ATG5: variants seen among roughly 807,000 people sequenced by gnomAD.
ATG5 encodes the protein autophagy related 5.
Under a neutral mutation model 36.5 loss-of-function variants are expected in ATG5, and 14 were observed. That is an observed-to-expected ratio of 0.38 (90% CI 0.25 to 0.60). ATG5 has a LOEUF of 0.60. ATG5 is among the 20% of genes least tolerant of loss of function. ATG5 has a pLI of 0.60. For missense variants in ATG5, 195 were observed against 326.7 expected (o/e 0.60, Z 3.11); for synonymous variants, 95 against 101.5 (o/e 0.94, Z 0.38).
chr6:106,313,294 T>C (rs968218773), intron 2 of ATG5, among the ~76,000 whole-genome samples: 1 of 152,156 alleles, frequency 6.6e-6, no homozygotes, highest in African/African-American at 2.4e-5. Context: ...CTTTTCTTCA[T>C]GAAAGAGGAA....
chr6:106,303,698 A>G (rs1019515942), intron 3 of ATG5, among the ~76,000 whole-genome samples: 8 of 152,178 alleles, frequency 5.3e-5, no homozygotes, highest in Non-Finnish European at 1.0e-4. Context: ...TATAAAACTT[A>G]TTACATTCCG....
chr6:106,306,010 A>G (rs1770431141), intron 3 of ATG5, among the ~76,000 whole-genome samples: 1 of 152,352 alleles, frequency 6.6e-6, no homozygotes, highest in South Asian at 2.1e-4. Flanking sequence ...ATATAGCTAC[A>G]ATGAGCTTAC....
In ATG5 at chr6:106,251,646, A is replaced by G. The variant is rs78434682; in HGVS notation, c.479-3402T>C. 7.5e-4 allele frequency among the ~76,000 whole-genome samples: 34 copies of G among 45,098 alleles called. 1 individual carries two copies. The highest frequency in any genetic ancestry group is 2.9e-3 in the South Asian group (2 of 682). The allele number at this position is 45,098 out of a possible 152,430, so 29.6% of individuals were successfully genotyped here. ...AAACACCCTAATCAGAGAGAGAGAG[A>G]GGGAGGGAGGGAGGAAGGGAGGGGG... On this transcript the variant is annotated intron_variant, in intron 5 of 7. Coordinates refer to ENST00000369076, the MANE Select transcript of ATG5 (RefSeq NM_004849.4).
chr6:106,250,214 T>C (rs1778517440), intron 5 of ATG5, among the ~76,000 whole-genome samples: 1 of 152,226 alleles, frequency 6.6e-6, no homozygotes, highest in Non-Finnish European at 1.5e-5. Context: ...TCCAATCTAC[T>C]GGCAATCTAT....
chr6:106,212,570 C>T (rs1776894979), intron 6 of ATG5, among the ~76,000 whole-genome samples: 1 of 152,146 alleles, frequency 6.6e-6, no homozygotes, highest in African/African-American at 2.4e-5. Flanking sequence ...TCCTGTGAGG[C>T]GGAGGTTGCA....
chr6:106,259,873 T>C lies in ATG5; in HGVS notation c.479-11629A>G, dbSNP rs188784817. On this transcript the variant is annotated intron_variant, in intron 5 of 7. Coordinates refer to ENST00000369076, the MANE Select transcript of ATG5 (RefSeq NM_004849.4). ...GAGTTGGAACCCAAATGTCTATCAA[T>C]GATAGACTGGATTAAGACAATGTGG... is the stretch of plus-strand genomic sequence containing the variant. Among the ~76,000 whole-genome samples the C allele has an allele frequency of 2.8e-3, 433 of 152,274 alleles. 2 individuals are homozygous for C. The highest frequency in any genetic ancestry group is 9.9e-3 in the African/African-American group (412 of 41,540).
At chr6:106,218,644 T>C (rs752981881) in intron 6 of ATG5, among the ~76,000 whole-genome samples, 40 of 151,968 alleles carry the variant, frequency 2.6e-4, no homozygotes, top group Non-Finnish European at 3.7e-4. Context: ...CCCTGTTTTA[T>C]ATGAAGCATC....
At chr6:106,265,864 T>C (rs867841472) in intron 5 of ATG5, among the ~76,000 whole-genome samples, 9 of 152,138 alleles carry the variant, frequency 5.9e-5, no homozygotes, top group Non-Finnish European at 1.0e-4. Flanking sequence ...GAGGGAAATT[T>C]ATAGCACTAA....
At chr6:106,198,404 T>C (rs941661792) in intron 7 of ATG5, among the ~76,000 whole-genome samples, 2 of 152,176 alleles carry the variant, frequency 1.3e-5, no homozygotes, top group African/African-American at 2.4e-5. Context: ...GTTTTAGTTA[T>C]TTAACTGAAC....
In ATG5 at chr6:106,185,351, T is replaced by G. The variant is rs958863649; in HGVS notation, c.*1189A>C. Reference sequence around the variant, plus strand: ...TACTCAAATGGGTCAACATTCAATATGGACAGCCAGCTAGCTCACAAGAAA... The same window carrying G: ...TACTCAAATGGGTCAACATTCAATAGGGACAGCCAGCTAGCTCACAAGAAA... On this transcript the variant is annotated 3_prime_UTR_variant, in exon 8 of 8. Transcript: ENST00000369076. The G allele has an allele frequency of 6.5e-6, 1 of 152,756 alleles. No homozygotes were observed. Among genetic ancestry groups the G allele is most frequent in the African/African-American group, 2.4e-5 (1 of 41,446 alleles). 9.5% of individuals were successfully genotyped at this position (152,756 alleles called of 1,614,324 possible). A position where few individuals can be genotyped will look rare whatever the true frequency, so the allele number is the denominator to read the frequency against.
intron 1 of ATG5, among the ~76,000 whole-genome samples, chr6:106,322,547 C>T (rs1771124967): frequency 6.6e-6 from 1 of 152,198 alleles, no homozygotes; most frequent in African/African-American, 2.4e-5. Context: ...TCTTCCTCCT[C>T]CTCCTCCTCT....
chr6:106,262,608 G>C (rs993018670), intron 5 of ATG5, among the ~76,000 whole-genome samples: 1 of 152,192 alleles, frequency 6.6e-6, no homozygotes, highest in Non-Finnish European at 1.5e-5. Context: ...CTCCCAGCGA[G>C]ACAAACACAG....
In ATG5 at chr6:106,248,156, T is replaced by C. The variant is rs1234110848; in HGVS notation, c.567A>G (p.Ile189Met). 6.3e-7 allele frequency: 1 copy of C among 1,594,554 alleles called. No homozygotes were observed. Among genetic ancestry groups the C allele is most frequent in the East Asian group, 2.2e-5 (1 of 44,672 alleles). ...TTAAAATGTTATTTCCTACCTGATA[T>C]ATTCTAAAGGGGATATAACGAAATC... ...ENGFRYIPFRIYQTTTERPFI... is the reference protein window; with the variant it reads ...ENGFRYIPFRMYQTTTERPFI... The change falls in exon 6 of 8, where the codon ATA (isoleucine) becomes ATG (methionine). Residue 189 changes from isoleucine to methionine, a missense_variant. Transcript: ENST00000369076.
intron 6 of ATG5, among the ~76,000 whole-genome samples, chr6:106,227,393 G>C (rs1188718890): frequency 6.6e-6 from 1 of 152,128 alleles, no homozygotes; most frequent in Non-Finnish European, 1.5e-5. Flanking sequence ...GCAAGGAGTT[G>C]AAGACCAGCC....
chr6:106,314,319 G>T (rs1301291656), intron 2 of ATG5, among the ~76,000 whole-genome samples: 2 of 152,184 alleles, frequency 1.3e-5, no homozygotes, highest in Admixed American at 6.5e-5. Context: ...CATTTTGGAA[G>T]GCCGAGGCGG....
Position 106,312,623 on chromosome 6 carries a change from T to TACACACACACAC in ATG5, c.108+3466_108+3477dup, listed in dbSNP as rs144983689. Among the ~76,000 whole-genome samples, 728 of 144,490 alleles carry TACACACACACAC rather than the reference T, an allele frequency of 5.0e-3. 3 individuals are homozygous for TACACACACACAC. Among genetic ancestry groups the TACACACACACAC allele is most frequent in the Non-Finnish European group, 7.5e-3 (487 of 65,134 alleles). 94.8% of individuals were successfully genotyped at this position (144,490 alleles called of 152,430 possible). A position where few individuals can be genotyped will look rare whatever the true frequency, so the allele number is the denominator to read the frequency against. ...AGGAGAAAGATCTGGCAAAAAAGACTACACACACACACACACACACACACA... is the reference window on the plus strand; with the variant it reads ...AGGAGAAAGATCTGGCAAAAAAGACTACACACACACACACACACACACACACACACACACACA... On this transcript the variant is annotated intron_variant, in intron 2 of 7. Coordinates refer to ENST00000369076, the MANE Select transcript of ATG5 (RefSeq NM_004849.4).
intron 7 of ATG5, among the ~76,000 whole-genome samples, chr6:106,200,253 A>G (rs1776366364): frequency 6.6e-6 from 1 of 152,140 alleles, no homozygotes; most frequent in African/African-American, 2.4e-5. Context: ...TCCTAATTCT[A>G]CTACTTAGGC....
intron 4 of ATG5, among the ~76,000 whole-genome samples, chr6:106,286,214 A>G (rs9372121): frequency 0.15 from 23,174 of 152,058 alleles, 2,113 homozygotes; most frequent in Non-Finnish European, 0.2. Flanking sequence ...AGCAGCCCAG[A>G]ACTCCAATTT....
At chr6:106,314,148 C>A (rs1044357921) in intron 2 of ATG5, among the ~76,000 whole-genome samples, 1 of 152,330 alleles carries the variant, frequency 6.6e-6, no homozygotes, top group East Asian at 1.9e-4. Context: ...ACAACTTACG[C>A]TCTAGTGCTC....
Sources: allele counts gnomAD v4.1 joint callset (sites outside exome capture counted in the v4.1 genomes callset), GRCh38; gene constraint gnomAD v4.1.1; transcripts MANE v1.5; gene names NCBI Gene and HGNC (gene_info 2026-07-23, HGNC 2026-07-21).